Variants in SNTG2 observed in about 807,000 individuals in gnomAD.
SNTG2 encodes gamma-2-syntrophin.
A neutral mutation model predicts 70.9 loss-of-function variants in SNTG2; 74 were observed. That is an observed-to-expected ratio of 1.04 (90% CI 0.86 to 1.27). The LOEUF (loss-of-function observed/expected upper bound fraction) is 1.27. Among genes scored for constraint, SNTG2 ranks in the 50% most tolerant of loss-of-function variants. The pLI is 0.00. For missense variants in SNTG2, 717 were observed against 690.7 expected (o/e 1.04, Z -0.43); for synonymous variants, 278 against 273.8 (o/e 1.02, Z -0.15).
chr2:1,138,348 T>C (rs577890769), intron 6 of SNTG2, among the ~76,000 whole-genome samples: 1 of 152,304 alleles, frequency 6.6e-6, no homozygotes, highest in East Asian at 1.9e-4. Flanking sequence ...TCCATGGAGA[T>C]GAGCTTTCTC....
chr2:1,075,652 G>T (rs968185124), intron 1 of SNTG2, among the ~76,000 whole-genome samples: 3 of 152,134 alleles, frequency 2.0e-5, no homozygotes, highest in African/African-American at 7.2e-5. Context: ...CTAAAACTAG[G>T]AGTGTGGATT....
At chr2:1,300,060 G>A (rs562094939) in intron 14 of SNTG2, among the ~76,000 whole-genome samples, 12 of 147,824 alleles carry the variant, frequency 8.1e-5, no homozygotes, top group South Asian at 6.6e-4. Context: ...TCTGAAGGGC[G>A]TGCAAGAAGG....
At chr2:1,234,886 C>T (rs1469289383) in intron 9 of SNTG2, among the ~76,000 whole-genome samples, 2 of 152,192 alleles carry the variant, frequency 1.3e-5, no homozygotes, top group Admixed American at 6.5e-5. Flanking sequence ...ACTGACTTTA[C>T]GAGGATGACC....
At chr2:1,165,779 G>A (rs1457366362) in intron 7 of SNTG2, 144 bp downstream of exon 7, 31 of 678,276 alleles carry the variant, frequency 4.6e-5, no homozygotes, top group Admixed American at 3.3e-5. Context: ...GGCAGGCACC[G>A]TGGCATCATG....
At chr2:1,135,859 A>G (rs1008749101) in intron 4 of SNTG2, among the ~76,000 whole-genome samples, 5 of 152,222 alleles carry the variant, frequency 3.3e-5, no homozygotes, top group Non-Finnish European at 5.9e-5. Flanking sequence ...TATTTTCTAT[A>G]GGTCCATTCA....
intron 1 of SNTG2, among the ~76,000 whole-genome samples, chr2:963,211 A>G (rs1187891174): frequency 1.3e-5 from 2 of 152,164 alleles, no homozygotes; most frequent in South Asian, 2.1e-4. Context: ...CTATTTTTCC[A>G]AAAGCATCAC....
At chr2:966,709 G>A (rs1307970452) in intron 1 of SNTG2, among the ~76,000 whole-genome samples, 3 of 152,216 alleles carry the variant, frequency 2.0e-5, no homozygotes, top group Non-Finnish European at 4.4e-5. Context: ...CACTTTGGGA[G>A]GCTGAGGTGG....
intron 16 of SNTG2, among the ~76,000 whole-genome samples, chr2:1,358,811 G>A (rs1228354191): frequency 6.6e-6 from 1 of 152,140 alleles, no homozygotes; most frequent in African/African-American, 2.4e-5. Context: ...TGAGAAGCTT[G>A]TGTTTTCTAC....
At chr2:1,045,419 T>A (rs2148066621) in intron 1 of SNTG2, among the ~76,000 whole-genome samples, 1 of 152,276 alleles carries the variant, frequency 6.6e-6, no homozygotes, top group Admixed American at 6.5e-5. Context: ...TTTTTCCTGC[T>A]AGCTTTGGGG....
intron 1 of SNTG2, among the ~76,000 whole-genome samples, chr2:1,033,524 CAG>C (rs143128013): frequency 0.29 from 43,602 of 152,022 alleles, 7,339 homozygotes; most frequent in Middle Eastern, 0.42. Flanking sequence ...GGGATGGAAA[CAG>C]GGTATGTTAA....
At position 1,020,131 on chromosome 2, in the gene SNTG2, T is replaced by G. The variant is rs552531275; in HGVS notation, c.73-63387T>G. 5.9e-5 allele frequency among the ~76,000 whole-genome samples: 9 copies of G among 152,328 alleles called. No homozygotes were observed. The East Asian group carries it at 1.7e-3, about 29-fold the overall frequency. ...ATTCAGGCATGAATCTCTTCTGATA[T>G]TAACAATGGTGCATTTCAAGTACAC... On this transcript the variant is annotated intron_variant, in intron 1 of 16. Coordinates refer to ENST00000308624, the MANE Select transcript of SNTG2 (RefSeq NM_018968.4).
intron 14 of SNTG2, among the ~76,000 whole-genome samples, chr2:1,300,904 T>C (rs2148235933): frequency 6.6e-6 from 1 of 152,292 alleles, no homozygotes; most frequent in South Asian, 2.1e-4. Flanking sequence ...CACTGCAGCA[T>C]GTGTCATTTT....
intron 8 of SNTG2, among the ~76,000 whole-genome samples, chr2:1,193,140 ATTG>A (rs1672702298): frequency 6.6e-6 from 1 of 152,184 alleles, no homozygotes; most frequent in Admixed American, 6.5e-5. Flanking sequence ...CAAATTCCTC[ATTG>A]TTGTAATAGC....
At chr2:1,269,934 C>T (rs1231284962) in intron 14 of SNTG2, among the ~76,000 whole-genome samples, 3 of 152,084 alleles carry the variant, frequency 2.0e-5, no homozygotes, top group South Asian at 2.1e-4. Context: ...CTGTGGGGGC[C>T]GTGATGACCA....
intron 11 of SNTG2, among the ~76,000 whole-genome samples, chr2:1,246,248 A>G (rs902114343): frequency 6.6e-6 from 1 of 152,204 alleles, no homozygotes; most frequent in African/African-American, 2.4e-5. Context: ...CAGTGCTCCT[A>G]ATTTTCTTTC....
At chr2:1,074,215 G>C (rs1663771730) in intron 1 of SNTG2, among the ~76,000 whole-genome samples, 1 of 152,200 alleles carries the variant, frequency 6.6e-6, no homozygotes, top group South Asian at 2.1e-4. Flanking sequence ...ACCCTCGTCT[G>C]CCCGGGGGAA....
At chr2:1,295,006 G>C (rs1223975033) in intron 14 of SNTG2, among the ~76,000 whole-genome samples, 3 of 152,212 alleles carry the variant, frequency 2.0e-5, no homozygotes, top group African/African-American at 7.2e-5. Flanking sequence ...AGGCTGTCTC[G>C]TTCACTCCCG....
chr2:991,412 TGA>T (rs1172520624), intron 1 of SNTG2, among the ~76,000 whole-genome samples: 1 of 89,086 alleles, frequency 1.1e-5, no homozygotes, highest in Non-Finnish European at 2.4e-5. Flanking sequence ...CACACAATTA[TGA>T]CTTTAATTCT....
intron 16 of SNTG2, among the ~76,000 whole-genome samples, chr2:1,347,149 G>T (rs1341332380): frequency 1.3e-5 from 2 of 152,220 alleles, no homozygotes; most frequent in African/African-American, 2.4e-5. Context: ...TCTAGTCCCA[G>T]TGCTAACCCT....
Sources: gnomAD v4.1 joint callset for allele counts (sites outside exome capture counted in the v4.1 genomes callset) on GRCh38, gnomAD v4.1.1 for gene constraint, MANE v1.5 for transcripts, NCBI Gene and HGNC (gene_info 2026-07-23, HGNC 2026-07-21) for gene names.